Variants in MYLK observed in about 807,000 individuals in gnomAD.
MYLK encodes the protein myosin light chain kinase.
In MYLK, 106 loss-of-function variants were observed where a neutral mutation model predicts 203.4. That is an observed-to-expected ratio of 0.52 (90% CI 0.45 to 0.61). The LOEUF is 0.61. Among genes scored for constraint, MYLK ranks in the 20% least tolerant of loss-of-function variants. The pLI is 0.00. For synonymous variants in MYLK, 867 were observed against 959.5 expected (o/e 0.90, Z 1.78); for missense variants, 2,072 against 2,442.3 (o/e 0.85, Z 3.20).
chr3:123,629,710 G>T lies in MYLK; in HGVS notation c.4962-84C>A, dbSNP rs1049913386. 5.3e-6 allele frequency: 8 copies of T among 1,500,928 alleles called. No individual in the cohort carries two copies. The highest frequency in any genetic ancestry group is 7.4e-6 in the Non-Finnish European group (8 of 1,082,950). 93.0% of individuals were successfully genotyped at this position (1,500,928 alleles called of 1,614,324 possible). On this transcript the variant is annotated intron_variant, in intron 29 of 33. Transcript: ENST00000360304. This position sits in a 1 kb window ranked among gnomAD's most constrained non-coding sequence, Gnocchi z 4.4. ...AGTGGTAACTGAGGTCAAAGGCGAG[G>T]GTCGGCCAGCCTCCCCACCCCCAAA...
intron 20 of MYLK, 48 bp downstream of exon 20, chr3:123,682,176 C>A: frequency 9.4e-6 from 14 of 1,487,844 alleles, no homozygotes; most frequent in Non-Finnish European, 1.1e-5. Context: ...CCCCGGGGTG[C>A]CTGCCCCTGC....
intron 13 of MYLK, among the ~76,000 whole-genome samples, chr3:123,711,752 C>CT (rs2061703409): frequency 6.6e-6 from 1 of 152,176 alleles, no homozygotes; most frequent in African/African-American, 2.4e-5. Context: ...CTAACTTAAA[C>CT]CCTAAGTTTC....
intron 30 of MYLK, 100 bp from the exon 31 acceptor site, chr3:123,627,041 G>T: frequency 7.2e-7 from 1 of 1,384,872 alleles, no homozygotes; most frequent in Non-Finnish European, 1.0e-6. Context: ...GGTCATGAGG[G>T]CAGAGCCCAG....
chr3:123,655,650 G>C (rs2059369261), intron 24 of MYLK, among the ~76,000 whole-genome samples: 1 of 152,250 alleles, frequency 6.6e-6, no homozygotes, highest in East Asian at 1.9e-4. Flanking sequence ...TCTTCCCTCA[G>C]TCTAACCAAA....
At chr3:123,737,889 G>A (rs2062733190) in intron 7 of MYLK, among the ~76,000 whole-genome samples, 1 of 152,118 alleles carries the variant, frequency 6.6e-6, no homozygotes, top group South Asian at 2.1e-4. Context: ...AAGAGAATTA[G>A]GAAGCAGGTA....
chr3:123,758,862 T>C (rs762002364), intron 4 of MYLK, among the ~76,000 whole-genome samples: 1 of 152,196 alleles, frequency 6.6e-6, no homozygotes, highest in Non-Finnish European at 1.5e-5. Flanking sequence ...TCTCACTCTG[T>C]TGCCCAGGCT....
intron 3 of MYLK, among the ~76,000 whole-genome samples, chr3:123,798,589 C>T (rs895097732): frequency 3.3e-5 from 5 of 152,162 alleles, no homozygotes; most frequent in African/African-American, 1.2e-4. Context: ...CATCAAAAGG[C>T]ACCTGCTTGA....
rs2060294417 is a variant in MYLK, at chr3:123,682,283, G to A, written c.3593C>T (p.Ala1198Val). 2 of 1,603,688 alleles carry A rather than the reference G, an allele frequency of 1.2e-6. No homozygotes were observed. The highest frequency in any genetic ancestry group is 1.7e-6 in the Non-Finnish European group (2 of 1,175,320). The change falls in exon 20 of 34, where the codon GCC (alanine) becomes GTC (valine). Residue 1198 changes from alanine to valine, a missense_variant. Transcript: ENST00000360304. ...GGGCCTCCGGGATTTCATCTCTGGG[G>A]CCTTGGTGTTCTCACTGGCTGGAGC... ...DDAPASENTK[A>V]PEMKSRRPKS...
intron 16 of MYLK, among the ~76,000 whole-genome samples, chr3:123,704,642 A>G (rs1381715445): frequency 1.3e-5 from 2 of 151,262 alleles, no homozygotes; most frequent in Non-Finnish European, 2.9e-5. Flanking sequence ...GGTGGCTCAC[A>G]CCTGTAATCC....
chr3:123,756,680 C>G (rs1293276348), intron 4 of MYLK, among the ~76,000 whole-genome samples: 3 of 152,116 alleles, frequency 2.0e-5, no homozygotes, highest in Non-Finnish European at 4.4e-5. Context: ...TATGAGAAAA[C>G]CAAGTAACCA....
chr3:123,778,588 T>A (rs1364851980), intron 4 of MYLK, among the ~76,000 whole-genome samples: 1 of 150,960 alleles, frequency 6.6e-6, no homozygotes. Flanking sequence ...AGACAGCCCC[T>A]TCCCAGGGCC....
chr3:123,707,190 C>T (rs1576660571), intron 16 of MYLK, among the ~76,000 whole-genome samples: 1 of 152,288 alleles, frequency 6.6e-6, no homozygotes, highest in East Asian at 1.9e-4. Flanking sequence ...GGAGCCGAGG[C>T]CTCCCACCTA....
At chr3:123,632,867 C>A (rs900090334) in intron 29 of MYLK, among the ~76,000 whole-genome samples, 1 of 144,628 alleles carries the variant, frequency 6.9e-6, no homozygotes, top group East Asian at 2.0e-4. Flanking sequence ...TGCAGTAGTG[C>A]GATCTCAGCT....
chr3:123,647,830 G>C (rs1310042007), intron 26 of MYLK, among the ~76,000 whole-genome samples: 1 of 151,980 alleles, frequency 6.6e-6, no homozygotes, highest in Non-Finnish European at 1.5e-5. Flanking sequence ...GAGATTACAA[G>C]CGTGAGCCAC....
intron 8 of MYLK, among the ~76,000 whole-genome samples, chr3:123,736,807 G>A (rs2062687994): frequency 6.6e-6 from 1 of 152,172 alleles, no homozygotes; most frequent in Admixed American, 6.5e-5. Flanking sequence ...GGGAGTCCGG[G>A]TGAGAAGAAA....
At chr3:123,720,749 G>A (rs1426326558) in intron 13 of MYLK, among the ~76,000 whole-genome samples, 1 of 152,238 alleles carries the variant, frequency 6.6e-6, no homozygotes, top group African/African-American at 2.4e-5. Context: ...CTGGAAGGAA[G>A]GGGTGGACCA....
rs1012384689 is a variant in MYLK, at chr3:123,664,369, G to C, written c.3832-111C>G. 21 of 1,472,464 alleles carry C rather than the reference G, an allele frequency of 1.4e-5. No individual in the cohort carries two copies. The East Asian group carries it at 2.5e-4, about 18-fold the overall frequency. 91.2% of individuals were successfully genotyped at this position (1,472,464 alleles called of 1,614,324 possible). A position where few individuals can be genotyped will look rare whatever the true frequency, so the allele number is the denominator to read the frequency against. On this transcript the variant is annotated intron_variant, in intron 22 of 33. Coordinates refer to ENST00000360304, the MANE Select transcript of MYLK (RefSeq NM_053025.4). ...TGAAGGATGCAGCTGGACAAGCTGT[G>C]GGGGGGCTCAGTCTGGTCTGGACTC...
chr3:123,799,175 C>A lies in MYLK; in HGVS notation c.-3-5331G>T, dbSNP rs560988604. On this transcript the variant is annotated intron_variant, in intron 3 of 33. Coordinates refer to ENST00000360304, the MANE Select transcript of MYLK (RefSeq NM_053025.4). The stretch of plus-strand genomic sequence containing the variant: ...TTCAAGAGCTGGAAACTCCCCCTTA[C>A]CCCCCTTACCCCTCACCCCTCACCC... Among the ~76,000 whole-genome samples, 553 of 137,160 alleles carry A rather than the reference C, an allele frequency of 4.0e-3. 6 individuals carry two copies. The highest frequency in any genetic ancestry group is 0.012 in the South Asian group (49 of 3,930). 90.0% of individuals were successfully genotyped at this position (137,160 alleles called of 152,430 possible).
At chr3:123,764,683 G>A (rs1268316801) in intron 4 of MYLK, among the ~76,000 whole-genome samples, 1 of 152,204 alleles carries the variant, frequency 6.6e-6, no homozygotes, top group Non-Finnish European at 1.5e-5. Flanking sequence ...CTCCACGGAG[G>A]AGCTTTCAGT....
Sources: gnomAD v4.1 joint callset for allele counts (sites outside exome capture counted in the v4.1 genomes callset) on GRCh38, gnomAD v4.1.1 for gene constraint, Gnocchi (gnomAD v3.1) non-coding constraint, MANE v1.5 for transcripts, NCBI Gene and HGNC (gene_info 2026-07-23, HGNC 2026-07-21) for gene names.